Variants in HPGDS observed in about 807,000 individuals in gnomAD.
HPGDS encodes hematopoietic prostaglandin D synthase, also known as GST class-sigma.
In HPGDS, 26 loss-of-function variants were observed where a neutral mutation model predicts 23.1. The ratio of observed to expected loss-of-function variants is 1.13; its 90% CI spans 0.83 to 1.56. The LOEUF is 1.56. HPGDS is among the 40% of genes most tolerant of loss of function. The pLI is 0.00. For missense variants in HPGDS, 268 were observed against 236.4 expected, an observed-to-expected ratio of 1.13 and a Z score of -0.88; for synonymous variants, 95 against 77.9, an observed-to-expected ratio of 1.22 and a Z score of -1.16.
In HPGDS at chr4:94,299,644, C is replaced by G. The variant is rs200098299; in HGVS notation, c.436G>C (p.Val146Leu). 4 of 1,612,524 alleles carry G rather than the reference C, an allele frequency of 2.5e-6. No individual in the cohort carries two copies. The highest frequency in any genetic ancestry group is 1.6e-4 in the Middle Eastern group (1 of 6,072). The change falls in exon 6 of 6, where the codon GTA (valine) becomes CTA (leucine). Residue 146 changes from valine to leucine, a missense_variant and splice_region_variant. Val to Leu is a conservative substitution (Grantham distance 32). Coordinates refer to ENST00000295256, the MANE Select transcript of HPGDS (RefSeq NM_014485.3). ...TCCCAGTAGAAGTCTGCCCAAGTTACCTAGTTTAAAGGAAACAAACTTTTC... is the reference window on the plus strand; with the variant it reads ...TCCCAGTAGAAGTCTGCCCAAGTTAGCTAGTTTAAAGGAAACAAACTTTTC... The part of the protein sequence containing the change: ...GGREWLIGNS[V>L]TWADFYWEIC...
intron 2 of HPGDS, among the ~76,000 whole-genome samples, chr4:94,332,025 C>CA (rs1756744433): frequency 6.6e-6 from 1 of 151,992 alleles, no homozygotes; most frequent in Admixed American, 6.6e-5. Context: ...TTGCCTTTTC[C>CA]AAAACTACCT....
chr4:94,315,558 C>T (rs1756379708), intron 3 of HPGDS, among the ~76,000 whole-genome samples: 1 of 151,950 alleles, frequency 6.6e-6, no homozygotes, highest in Admixed American at 6.6e-5. Flanking sequence ...AAAGTTTTCT[C>T]AATGGTGCCA....
intron 2 of HPGDS, among the ~76,000 whole-genome samples, chr4:94,325,727 C>T (rs1210454351): frequency 2.0e-5 from 3 of 152,206 alleles, no homozygotes; most frequent in Non-Finnish European, 2.9e-5. Flanking sequence ...TCCCTCAACC[C>T]CCTGTGCTTC....
chr4:94,313,106 G>A (rs1756314344), intron 3 of HPGDS, among the ~76,000 whole-genome samples: 1 of 152,140 alleles, frequency 6.6e-6, no homozygotes, highest in Non-Finnish European at 1.5e-5. Flanking sequence ...GCCAGTCTGT[G>A]TCTTTTAATT....
At chr4:94,313,462 G>A (rs1202862008) in intron 3 of HPGDS, among the ~76,000 whole-genome samples, 5 of 152,156 alleles carry the variant, frequency 3.3e-5, no homozygotes, top group Non-Finnish European at 7.3e-5. Context: ...GTTGAATATT[G>A]GCCCCCACTC....
At chr4:94,340,302 TTTC>T (rs1213884722) in intron 1 of HPGDS, among the ~76,000 whole-genome samples, 933 of 57,972 alleles carry the variant, frequency 0.016, 33 homozygotes, top group African/African-American at 0.053. Flanking sequence ...TCTTTCTTTC[TTTC>T]TTTCTCTTTT....
intron 2 of HPGDS, among the ~76,000 whole-genome samples, chr4:94,328,641 T>C (rs1393284486): frequency 6.6e-6 from 1 of 152,246 alleles, no homozygotes; most frequent in Non-Finnish European, 1.5e-5. Context: ...TTATAATGCA[T>C]GTAAATCACT....
chr4:94,321,989 G>T (rs1033757109), intron 2 of HPGDS, among the ~76,000 whole-genome samples: 1 of 152,144 alleles, frequency 6.6e-6, no homozygotes, highest in Non-Finnish European at 1.5e-5. Context: ...GTTGAATTTT[G>T]TTGAAGGCCT....
intron 3 of HPGDS, among the ~76,000 whole-genome samples, chr4:94,315,975 A>G (rs1756389130): frequency 6.6e-6 from 1 of 152,158 alleles, no homozygotes; most frequent in Admixed American, 6.5e-5. Flanking sequence ...TTGGCCCCTG[A>G]ACATTCTTCC....
At chr4:94,320,732 A>G (rs543159599) in intron 2 of HPGDS, among the ~76,000 whole-genome samples, 14 of 152,252 alleles carry the variant, frequency 9.2e-5, no homozygotes, top group Non-Finnish European at 2.1e-4. Context: ...CTCTAATGGT[A>G]GTTTCTTTTA....
At chr4:94,330,657 A>G (rs2126044772) in intron 2 of HPGDS, among the ~76,000 whole-genome samples, 1 of 151,920 alleles carries the variant, frequency 6.6e-6, no homozygotes, top group Non-Finnish European at 1.5e-5. Context: ...TGAAAGTTGG[A>G]CCTCCTAAAC....
chr4:94,302,954 T>C (rs1756073003), intron 4 of HPGDS, among the ~76,000 whole-genome samples: 1 of 152,170 alleles, frequency 6.6e-6, no homozygotes, highest in African/African-American at 2.4e-5. Flanking sequence ...TCAAGGCCTC[T>C]TTCTTGATAA....
At chr4:94,312,098 T>C (rs1222554636) in intron 3 of HPGDS, among the ~76,000 whole-genome samples, 1 of 152,204 alleles carries the variant, frequency 6.6e-6, no homozygotes, top group African/African-American at 2.4e-5. Flanking sequence ...AGCTCCTGGA[T>C]TCATTGATTT....
At chr4:94,313,435 T>G (rs1485368557) in intron 3 of HPGDS, among the ~76,000 whole-genome samples, 7 of 152,362 alleles carry the variant, frequency 4.6e-5, no homozygotes, top group Non-Finnish European at 1.0e-4. Flanking sequence ...GGGTTGAAAA[T>G]TCTTTTCTTT....
chr4:94,318,614 A>G (rs905015962), intron 2 of HPGDS, among the ~76,000 whole-genome samples: 19 of 152,090 alleles, frequency 1.2e-4, no homozygotes, highest in African/African-American at 4.1e-4. Context: ...TTCATTTTTA[A>G]AAATTGATTT....
rs569374671 is a variant in HPGDS, at chr4:94,313,672, T to G, written c.226+4201A>C. Among the ~76,000 whole-genome samples, 3 of 152,352 alleles carry G rather than the reference T, an allele frequency of 2.0e-5. No individual in the cohort carries two copies. The East Asian group carries it at 5.8e-4, about 29-fold the overall frequency. ...TGGCGTTCTCTGTATTTCCTGAATT[T>G]GAATGTTGGCCTGCTTTGCTGGATT... On this transcript the variant is annotated intron_variant, in intron 3 of 5. Transcript: ENST00000295256.
intron 3 of HPGDS, among the ~76,000 whole-genome samples, chr4:94,310,844 T>A (rs1223422286): frequency 1.3e-5 from 2 of 152,184 alleles, no homozygotes. Context: ...CTTAAAGAGG[T>A]CCTTCACATC....
intron 4 of HPGDS, among the ~76,000 whole-genome samples, chr4:94,306,130 G>A (rs1022651194): frequency 7.9e-5 from 12 of 152,140 alleles, no homozygotes; most frequent in Middle Eastern, 3.4e-3. Context: ...GCACTGTGAT[G>A]GCGGTGGGGG....
Position 94,320,615 on chromosome 4 carries a change from T to C in HPGDS, c.134-2650A>G, listed in dbSNP as rs183254112. Among the ~76,000 whole-genome samples, 427 of 152,268 alleles carry C rather than the reference T, an allele frequency of 2.8e-3. 2 individuals are homozygous for C. The highest frequency in any genetic ancestry group is 9.8e-3 in the African/African-American group (409 of 41,566). On this transcript the variant is annotated intron_variant, in intron 2 of 5. Coordinates refer to ENST00000295256, the MANE Select transcript of HPGDS (RefSeq NM_014485.3). Reference sequence around the variant, plus strand: ...CCCACTTTTTGATGGGGTTGTTTGATTTTTTCTTGTAAATTTGTTTAAGTT... The same window carrying C: ...CCCACTTTTTGATGGGGTTGTTTGACTTTTTCTTGTAAATTTGTTTAAGTT...
Sources: allele counts gnomAD v4.1 joint callset (sites outside exome capture counted in the v4.1 genomes callset), GRCh38; gene constraint gnomAD v4.1.1; transcripts MANE v1.5; gene names NCBI Gene and HGNC (gene_info 2026-07-23, HGNC 2026-07-21).